The following PBX1 variants were observed in gnomAD, a reference collection of about 807,000 sequenced individuals.
PBX1 encodes the protein PBX homeobox 1.
Under a neutral mutation model 53.4 loss-of-function variants are expected in PBX1, and 6 were observed. The ratio of observed to expected loss-of-function variants is 0.11; its 90% CI spans 0.06 to 0.22. PBX1 has a LOEUF of 0.22. PBX1 is among the 10% of genes least tolerant of loss of function. The pLI is 1.00. For synonymous variants in PBX1, 204 were observed against 212.3 expected, an observed-to-expected ratio of 0.96 and a Z score of 0.34; for missense variants, 251 against 551.4, an observed-to-expected ratio of 0.46 and a Z score of 5.46.
At chr1:164,870,311 T>G (rs1672341354) in intron 2 of PBX1, among the ~76,000 whole-genome samples, 1 of 87,516 alleles carries the variant, frequency 1.1e-5, no homozygotes, top group African/African-American at 4.8e-5. Flanking sequence ...CTTTCTTTCT[T>G]TCTTTCTTTC....
chr1:164,582,604 G>C (rs528675523), intron 2 of PBX1, among the ~76,000 whole-genome samples: 3 of 151,904 alleles, frequency 2.0e-5, no homozygotes, highest in Non-Finnish European at 4.4e-5. Flanking sequence ...TGTATTTTTA[G>C]TAGAGATGGG....
intron 2 of PBX1, among the ~76,000 whole-genome samples, chr1:164,733,294 T>C (rs1212854626): frequency 6.6e-6 from 1 of 152,178 alleles, no homozygotes; most frequent in Non-Finnish European, 1.5e-5. Flanking sequence ...GACTCATTCA[T>C]TGTTGTATCC....
chr1:164,561,494 C>T (rs1178729807), intron 1 of PBX1, among the ~76,000 whole-genome samples: 1 of 152,108 alleles, frequency 6.6e-6, no homozygotes, highest in Non-Finnish European at 1.5e-5. Flanking sequence ...TGAAGAAAAG[C>T]TAATAGGTAT....
chr1:164,587,610 T>C (rs1045273511), intron 2 of PBX1, among the ~76,000 whole-genome samples: 30 of 152,138 alleles, frequency 2.0e-4, no homozygotes, highest in Non-Finnish European at 5.9e-5. Context: ...CTCCCATTCA[T>C]AGGAATGCAA....
At chr1:164,800,600 C>G (rs958187881) in intron 4 of PBX1, among the ~76,000 whole-genome samples, 1 of 152,150 alleles carries the variant, frequency 6.6e-6, no homozygotes, top group Admixed American at 6.5e-5. Flanking sequence ...CTCTCTAGAC[C>G]GGTAGATTTA....
chr1:164,592,229 G>A (rs1655438830), intron 2 of PBX1, among the ~76,000 whole-genome samples: 1 of 152,136 alleles, frequency 6.6e-6, no homozygotes, highest in South Asian at 2.1e-4. Context: ...ATCTTCACAG[G>A]GCTCATAGTT....
At chr1:164,620,288 C>G (rs1657583735) in intron 2 of PBX1, among the ~76,000 whole-genome samples, 1 of 152,130 alleles carries the variant, frequency 6.6e-6, no homozygotes, top group South Asian at 2.1e-4. Context: ...CAAAATAGCA[C>G]ATCTGTTTTA....
intron 2 of PBX1, among the ~76,000 whole-genome samples, chr1:164,621,790 G>C (rs1214447160): frequency 6.6e-6 from 1 of 152,176 alleles, no homozygotes; most frequent in Non-Finnish European, 1.5e-5. Context: ...CAAGTGCACA[G>C]AGGATGATTC....
At chr1:164,865,456 G>C (rs1050259460) in intron 2 of PBX1, among the ~76,000 whole-genome samples, 1 of 152,118 alleles carries the variant, frequency 6.6e-6, no homozygotes, top group Non-Finnish European at 1.5e-5. Flanking sequence ...CACTGGAAAA[G>C]GTGTTTTGAA....
intron 2 of PBX1, among the ~76,000 whole-genome samples, chr1:164,866,440 G>T (rs1464364804): frequency 6.6e-6 from 1 of 152,224 alleles, no homozygotes; most frequent in African/African-American, 2.4e-5. Flanking sequence ...AATACTTGGT[G>T]ACAACATAGG....
chr1:164,648,804 G>C (rs1006921179), intron 2 of PBX1, among the ~76,000 whole-genome samples: 8 of 152,184 alleles, frequency 5.3e-5, no homozygotes, highest in Non-Finnish European at 8.8e-5. Context: ...CTTAGAGATT[G>C]AGCAAGGCAG....
intron 2 of PBX1, among the ~76,000 whole-genome samples, chr1:164,863,883 T>C (rs1234867246): frequency 6.6e-6 from 1 of 152,180 alleles, no homozygotes; most frequent in African/African-American, 2.4e-5. Flanking sequence ...CCAGAGCACC[T>C]GCACAGAGTA....
intron 2 of PBX1, among the ~76,000 whole-genome samples, chr1:164,580,133 G>A (rs1413613872): frequency 1.3e-5 from 2 of 152,170 alleles, no homozygotes; most frequent in African/African-American, 2.4e-5. Context: ...ACTCATTTCT[G>A]ATCCTGTTTC....
chr1:164,731,312 CAAAAA>C (rs57637058), intron 2 of PBX1, among the ~76,000 whole-genome samples: 1 of 118,228 alleles, frequency 8.5e-6, no homozygotes, highest in Non-Finnish European at 1.8e-5. Flanking sequence ...TTTCATCAGC[CAAAAA>C]AAAAAAAAAA....
chr1:164,866,400 G>A (rs1672218574), intron 2 of PBX1, among the ~76,000 whole-genome samples: 1 of 152,196 alleles, frequency 6.6e-6, no homozygotes, highest in African/African-American at 2.4e-5. Context: ...TGGAGTCACA[G>A]GAAGCACAGG....
intron 2 of PBX1, among the ~76,000 whole-genome samples, chr1:164,790,182 CTTTGTTAGTGGCAA>C (rs1668422073): frequency 6.6e-6 from 1 of 152,092 alleles, no homozygotes; most frequent in South Asian, 2.1e-4. Context: ...TTAAGGAAAC[CTTTGTTAGTGGCAA>C]TTTGTTCTTC....
At chr1:164,636,761 G>T (rs1055247765) in intron 2 of PBX1, among the ~76,000 whole-genome samples, 1 of 152,162 alleles carries the variant, frequency 6.6e-6, no homozygotes, top group African/African-American at 2.4e-5. Context: ...TAGAAGGCCT[G>T]AGTTTTTTTA....
chr1:164,870,361 CGAGATGAAG>C (rs1672353437), intron 2 of PBX1, among the ~76,000 whole-genome samples: 1 of 84,978 alleles, frequency 1.2e-5, no homozygotes, highest in Non-Finnish European at 2.4e-5. Context: ...TTCTTTCTTT[CGAGATGAAG>C]TCTTGCTCTG....
intron 2 of PBX1, among the ~76,000 whole-genome samples, chr1:164,635,856 C>G (rs1455136098): frequency 6.6e-6 from 1 of 152,160 alleles, no homozygotes; most frequent in Non-Finnish European, 1.5e-5. Flanking sequence ...AAATAGATTC[C>G]CTTCTCTCTG....
Sources: allele counts gnomAD v4.1 joint callset (sites outside exome capture counted in the v4.1 genomes callset), GRCh38; gene constraint gnomAD v4.1.1; transcripts MANE v1.5; gene names NCBI Gene and HGNC (gene_info 2026-07-23, HGNC 2026-07-21).